SYT1: variants seen among roughly 807,000 people sequenced by gnomAD.
The protein encoded by SYT1 is synaptotagmin-1.
In SYT1, 8 loss-of-function variants were observed where a neutral mutation model predicts 44.8. The observed-to-expected ratio is 0.18, with a 90% CI of 0.10 to 0.32. The LOEUF (loss-of-function observed/expected upper bound fraction) is 0.32. Ranked by LOEUF, SYT1 falls within the 10% of genes least tolerant of loss-of-function variation. SYT1 has a pLI of 1.00. For missense variants in SYT1, 286 were observed against 509.3 expected, an observed-to-expected ratio of 0.56 and a Z score of 4.22; for synonymous variants, 154 against 188.8, an observed-to-expected ratio of 0.82 and a Z score of 1.51.
chr12:79,355,037 C>T (rs886193016), intron 9 of SYT1, among the ~76,000 whole-genome samples: 5 of 152,162 alleles, frequency 3.3e-5, no homozygotes, highest in Admixed American at 1.3e-4. Flanking sequence ...GTCCTGGCTT[C>T]TTCCGGGGTC....
chr12:79,090,164 C>A (rs1463058090), intron 3 of SYT1, among the ~76,000 whole-genome samples: 1 of 151,968 alleles, frequency 6.6e-6, no homozygotes, highest in East Asian at 1.9e-4. Context: ...AACAAATGAT[C>A]TTTTCTACTT....
At chr12:78,918,187 G>A (rs1876775611) in intron 1 of SYT1, among the ~76,000 whole-genome samples, 1 of 152,052 alleles carries the variant, frequency 6.6e-6, no homozygotes, top group Non-Finnish European at 1.5e-5. Context: ...TAAATAAGTA[G>A]ATAACTTTTC....
intron 2 of SYT1, among the ~76,000 whole-genome samples, chr12:78,992,016 C>T (rs1194186659): frequency 6.6e-6 from 1 of 152,122 alleles, no homozygotes; most frequent in Non-Finnish European, 1.5e-5. Context: ...TCATCAAGGT[C>T]ATTTTCCTTT....
chr12:79,444,956 G>A (rs368003087), intron 10 of SYT1, among the ~76,000 whole-genome samples: 8 of 152,050 alleles, frequency 5.3e-5, no homozygotes, highest in Admixed American at 3.9e-4. Flanking sequence ...ATAATTTTGG[G>A]CCATTTCTTG....
At chr12:79,082,293 A>G (rs1177566035) in intron 3 of SYT1, among the ~76,000 whole-genome samples, 2 of 152,168 alleles carry the variant, frequency 1.3e-5, no homozygotes, top group Non-Finnish European at 2.9e-5. Context: ...TTAGAGACCC[A>G]TCTCCCACTC....
At chr12:78,939,163 A>C (rs529939040) in intron 1 of SYT1, among the ~76,000 whole-genome samples, 2 of 152,294 alleles carry the variant, frequency 1.3e-5, no homozygotes, top group African/African-American at 4.8e-5. Flanking sequence ...TAGCTCATAA[A>C]ATGAACTGTT....
At chr12:79,353,451 T>C (rs1565922304) in intron 8 of SYT1, 51 bp from the exon 9 acceptor site, 2 of 1,290,912 alleles carry the variant, frequency 1.5e-6, no homozygotes, top group Non-Finnish European at 1.1e-6. Context: ...GTTAAAACTC[T>C]ATTTACTTGT....
intron 1 of SYT1, chr12:78,976,522 T>A (rs565531704): frequency 1.2e-4 from 19 of 152,346 alleles, no homozygotes; most frequent in African/African-American, 4.6e-4. Flanking sequence ...AATGGTTTAA[T>A]AACTGCAGGG....
chr12:79,027,253 C>T (rs75138227), intron 2 of SYT1, among the ~76,000 whole-genome samples: 75 of 151,318 alleles, frequency 5.0e-4, no homozygotes, highest in Non-Finnish European at 3.0e-4. Flanking sequence ...CTTTGCTGAC[C>T]GCCTACTTTA....
At chr12:79,088,774 GTGTGTA>G (rs796828152) in intron 3 of SYT1, among the ~76,000 whole-genome samples, 1,959 of 147,886 alleles carry the variant, frequency 0.013, 55 homozygotes, top group East Asian at 0.062. Context: ...GTGTGTGTGT[GTGTGTA>G]TGTGTGTGTG....
chr12:79,273,052 T>A (rs1043232642), intron 4 of SYT1, among the ~76,000 whole-genome samples: 1 of 152,022 alleles, frequency 6.6e-6, no homozygotes, highest in Non-Finnish European at 1.5e-5. Flanking sequence ...AGATAGCGGA[T>A]TGGAGCCTTT....
chr12:79,216,012 A>G (rs1874778722), intron 3 of SYT1, among the ~76,000 whole-genome samples: 1 of 134,438 alleles, frequency 7.4e-6, no homozygotes, highest in African/African-American at 2.9e-5. Flanking sequence ...GCTCACTGCA[A>G]CCTCTGCCTC....
At chr12:79,088,169 T>A (rs1304290140) in intron 3 of SYT1, among the ~76,000 whole-genome samples, 3 of 152,018 alleles carry the variant, frequency 2.0e-5, no homozygotes, top group Non-Finnish European at 4.4e-5. Flanking sequence ...TATAAGCCAG[T>A]TATTATTACT....
chr12:78,977,676 A>G (rs1868946638), intron 1 of SYT1, 123 bp from the exon 2 acceptor site: 1 of 152,296 alleles, frequency 6.6e-6, no homozygotes, highest in Non-Finnish European at 1.5e-5. Context: ...CAGGATGTGA[A>G]TAACGAATGG....
At chr12:79,162,955 A>G (rs954530389) in intron 3 of SYT1, among the ~76,000 whole-genome samples, 3 of 152,136 alleles carry the variant, frequency 2.0e-5, no homozygotes, top group Admixed American at 6.6e-5. Context: ...GCACAGATAC[A>G]ATGAATGTTC....
At chr12:79,297,336 ACTATAGT>A (rs1191099663) in intron 7 of SYT1, among the ~76,000 whole-genome samples, 1 of 152,174 alleles carries the variant, frequency 6.6e-6, no homozygotes, top group Non-Finnish European at 1.5e-5. Context: ...AAGCTTAATC[ACTATAGT>A]CAACATACTA....
chr12:79,276,980 G>C (rs186904050), intron 4 of SYT1, among the ~76,000 whole-genome samples: 3 of 151,778 alleles, frequency 2.0e-5, no homozygotes, highest in African/African-American at 4.8e-5. Context: ...GGAAGAGGAG[G>C]AGGAGGAGGG....
intron 4 of SYT1, among the ~76,000 whole-genome samples, chr12:79,274,230 C>A (rs142556551): frequency 1.3e-5 from 2 of 152,186 alleles, no homozygotes; most frequent in African/African-American, 4.8e-5. Context: ...CTCTGCTTTG[C>A]GGGTCAATCC....
chr12:79,400,567 G>GGAT (rs1343593979), intron 9 of SYT1, among the ~76,000 whole-genome samples: 1 of 151,482 alleles, frequency 6.6e-6, no homozygotes, highest in Non-Finnish European at 1.5e-5. Context: ...AACACAAAGG[G>GGAT]GATAATTTGA....
Sources: gnomAD v4.1 joint callset for allele counts (sites outside exome capture counted in the v4.1 genomes callset) on GRCh38, gnomAD v4.1.1 for gene constraint, MANE v1.5 for transcripts, NCBI Gene and HGNC (gene_info 2026-07-23, HGNC 2026-07-21) for gene names.